The following PARVB variants were observed in gnomAD, a reference collection of about 807,000 sequenced individuals.
The protein encoded by PARVB is beta-parvin.
PARVB carries 46 observed loss-of-function variants against 47.0 expected under a neutral mutation model. The observed-to-expected ratio is 0.98, with a 90% CI of 0.77 to 1.25. PARVB has a LOEUF of 1.25. Among genes scored for constraint, PARVB ranks in the 50% most tolerant of loss-of-function variants. The pLI is 0.00. For missense variants in PARVB, 473 were observed against 471.6 expected (o/e 1.00, Z -0.03); for synonymous variants, 196 against 196.3 (o/e 1.00, Z 0.01).
intron 4 of PARVB, chr22:44,120,053 G>A (rs148834823): frequency 1.4e-5 from 5 of 356,938 alleles, no homozygotes; most frequent in African/African-American, 4.3e-5. Context: ...CATCGCCTTC[G>A]ACAGGTGGGG....
chr22:44,042,898 T>C (rs1320374238), intron 1 of PARVB, among the ~76,000 whole-genome samples: 1 of 152,208 alleles, frequency 6.6e-6, no homozygotes, highest in Non-Finnish European at 1.5e-5. Context: ...AATACTTAGC[T>C]GGCTTGATCA....
chr22:44,140,084 G>A lies in PARVB; in HGVS notation c.693-40G>A. Reference sequence around the variant, plus strand: ...TGCTGCTTGTGAAACTGTGTTCTGAGTGACCCATCTCATGGCTCTCTCTGT... The same window carrying A: ...TGCTGCTTGTGAAACTGTGTTCTGAATGACCCATCTCATGGCTCTCTCTGT... On this transcript the variant is annotated intron_variant, in intron 7 of 12. Transcript: ENST00000338758. 6.6e-6 allele frequency: 5 copies of A among 753,370 alleles called. No homozygotes were observed. The South Asian group carries it at 1.0e-4, about 16-fold the overall frequency. The allele number at this position is 753,370 out of a possible 1,614,324, so 46.7% of individuals were successfully genotyped here.
At chr22:44,074,647 C>T (rs999167985) in intron 1 of PARVB, among the ~76,000 whole-genome samples, 2 of 152,160 alleles carry the variant, frequency 1.3e-5, no homozygotes, top group African/African-American at 4.8e-5. Flanking sequence ...GGAGGAGCCC[C>T]ACCATCCCTG....
At chr22:44,127,372 T>C (rs2053209912) in intron 4 of PARVB, among the ~76,000 whole-genome samples, 1 of 152,188 alleles carries the variant, frequency 6.6e-6, no homozygotes, top group Non-Finnish European at 1.5e-5. Context: ...TAATATACTG[T>C]TGATGTGAGA....
chr22:44,049,335 C>T lies in PARVB; in HGVS notation c.112+24884C>T, dbSNP rs190938152. Among the ~76,000 whole-genome samples the T allele has an allele frequency of 7.8e-4, 119 of 152,338 alleles. No homozygotes were observed. The highest frequency in any genetic ancestry group is 2.8e-3 in the African/African-American group (115 of 41,584). Reference sequence around the variant, plus strand: ...AGCAAAGCTAGGGACCCGTTTTCTCCTCCCAGCCCCCTTTCTCACTTCAGG... The same window carrying T: ...AGCAAAGCTAGGGACCCGTTTTCTCTTCCCAGCCCCCTTTCTCACTTCAGG... On this transcript the variant is annotated intron_variant, in intron 1 of 12. Transcript: ENST00000338758. This position sits in a 1 kb window ranked among gnomAD's most constrained non-coding sequence, Gnocchi z 4.0.
intron 1 of PARVB, among the ~76,000 whole-genome samples, chr22:44,077,111 G>A (rs2051793550): frequency 1.3e-5 from 2 of 152,188 alleles, no homozygotes; most frequent in Admixed American, 6.5e-5. Context: ...CTGTAACAAA[G>A]CACCACAACC....
chr22:44,095,561 C>T (rs2052284503), intron 2 of PARVB, among the ~76,000 whole-genome samples: 1 of 152,164 alleles, frequency 6.6e-6, no homozygotes, highest in African/African-American at 2.4e-5. Flanking sequence ...TGCTTCTTCC[C>T]TTTGGGCCAG....
At chr22:44,149,367 C>T (rs2053753207) in intron 9 of PARVB, 1 of 152,238 alleles carries the variant, frequency 6.6e-6, no homozygotes, top group African/African-American at 2.4e-5. Flanking sequence ...CCAGCCTGTC[C>T]CTTCCTCACC....
chr22:44,156,034 C>A (rs1487123084), intron 10 of PARVB, among the ~76,000 whole-genome samples: 1 of 152,006 alleles, frequency 6.6e-6, no homozygotes, highest in Non-Finnish European at 1.5e-5. Context: ...CCTGTAATCC[C>A]AGCTACTCAG....
intron 11 of PARVB, among the ~76,000 whole-genome samples, chr22:44,160,257 T>C (rs2054023877): frequency 6.6e-6 from 1 of 152,056 alleles, no homozygotes; most frequent in Admixed American, 6.5e-5. Context: ...AGATCTTTCC[T>C]AGAAGAAGAC....
At chr22:44,085,793 C>T (rs2052011431) in intron 1 of PARVB, among the ~76,000 whole-genome samples, 1 of 152,198 alleles carries the variant, frequency 6.6e-6, no homozygotes, top group Non-Finnish European at 1.5e-5. Context: ...GCCTGCCCAG[C>T]CCCATGCCCA....
At chr22:44,161,971 G>C (rs2054063479) in intron 11 of PARVB, among the ~76,000 whole-genome samples, 1 of 152,222 alleles carries the variant, frequency 6.6e-6, no homozygotes, top group Non-Finnish European at 1.5e-5. Context: ...TTCTGAGTTG[G>C]CCTCTGGAGC....
At chr22:44,016,793 C>T (rs188317297) in intron 2 of PARVB, among the ~76,000 whole-genome samples, 12 of 152,212 alleles carry the variant, frequency 7.9e-5, no homozygotes, top group African/African-American at 1.7e-4. Flanking sequence ...TTTGGCATCA[C>T]GTCAGTGCTC....
chr22:44,119,447 A>T (rs2147125589), intron 4 of PARVB, among the ~76,000 whole-genome samples: 1 of 152,226 alleles, frequency 6.6e-6, no homozygotes, highest in South Asian at 2.1e-4. Context: ...CCCTCTTTTG[A>T]CTTGAACTCC....
At chr22:44,127,933 A>C (rs1253600420) in intron 4 of PARVB, among the ~76,000 whole-genome samples, 1 of 152,078 alleles carries the variant, frequency 6.6e-6, no homozygotes, top group Non-Finnish European at 1.5e-5. Context: ...TCACAGATGC[A>C]TACCACCATG....
intron 1 of PARVB, among the ~76,000 whole-genome samples, chr22:44,028,757 G>A (rs1016790546): frequency 4.6e-5 from 7 of 152,194 alleles, no homozygotes; most frequent in African/African-American, 9.7e-5. Context: ...CACCGGTGGC[G>A]AACGAGAGTC....
rs113458130 is a variant in PARVB at position 43,999,834 on chromosome 22, GAAA to G, written c.211+183_211+185del. Reference sequence around the variant, plus strand: ...CAACATAGTGAAAACCCATCTATATGAAAAAAAAAAAAAAAAAAAAAAAACAGC... The same window carrying G: ...CAACATAGTGAAAACCCATCTATATGAAAAAAAAAAAAAAAAAAAAACAGC... On this transcript the variant is annotated intron_variant, in intron 2 of 13. Transcript: ENST00000406477. Among the ~76,000 whole-genome samples the G allele has an allele frequency of 3.7e-3, 254 of 69,382 alleles. 1 individual carries two copies. The highest frequency in any genetic ancestry group is 0.011 in the African/African-American group (232 of 20,808). The allele number at this position is 69,382 out of a possible 152,430, so 45.5% of individuals were successfully genotyped here.
At chr22:44,071,759 A>G (rs568613069) in intron 1 of PARVB, among the ~76,000 whole-genome samples, 6 of 152,352 alleles carry the variant, frequency 3.9e-5, no homozygotes, top group Admixed American at 1.3e-4. Context: ...ACAAGGAGGA[A>G]TCACATCCTA....
chr22:44,036,355 G>C (rs1469917470), intron 1 of PARVB, among the ~76,000 whole-genome samples: 1 of 152,202 alleles, frequency 6.6e-6, no homozygotes, highest in Non-Finnish European at 1.5e-5. Flanking sequence ...CTGTGTGTGT[G>C]TGTAAGTTTT....
Sources: allele counts gnomAD v4.1 joint callset (sites outside exome capture counted in the v4.1 genomes callset), GRCh38; gene constraint gnomAD v4.1.1; non-coding constraint Gnocchi (gnomAD v3.1); transcripts MANE v1.5; gene names NCBI Gene and HGNC (gene_info 2026-07-23, HGNC 2026-07-21).